Variants in FAAH2 observed in about 807,000 individuals in gnomAD.
FAAH2 encodes fatty acid amide hydrolase 2, also known as fatty-acid amide hydrolase 2.
A neutral mutation model predicts 36.9 loss-of-function variants in FAAH2; 60 were observed. The observed-to-expected ratio is 1.63, with a 90% CI of 1.32 to 2.02. The LOEUF is 2.02. Among genes scored for constraint, FAAH2 ranks in the 30% most tolerant of loss-of-function variants. The probability of loss-of-function intolerance (pLI) is 0.00; values close to 1 mark genes in which losing one functional copy is unlikely to be tolerated. For synonymous variants in FAAH2, 214 were observed against 143.8 expected, an observed-to-expected ratio of 1.49 and a Z score of -3.49; for missense variants, 689 against 397.5, an observed-to-expected ratio of 1.73 and a Z score of -6.23.
At chrX:57,405,483 G>T (rs1359566505) in intron 7 of FAAH2, among the ~76,000 whole-genome samples, 1 of 109,019 alleles carries the variant, frequency 9.2e-6, no homozygotes, top group Non-Finnish European at 1.9e-5. Context: ...AGCGGCAATG[G>T]GCACCTCGCT....
the FAAH2 span, among the ~76,000 whole-genome samples, chrX:57,219,067 A>C: frequency 8.9e-6 from 1 of 111,826 alleles, no homozygotes; most frequent in Non-Finnish European, 1.9e-5. Flanking sequence ...AGGCAGAAAA[A>C]TAGCCAGTCA....
chrX:57,386,827 G>C (rs2055036254), intron 7 of FAAH2, among the ~76,000 whole-genome samples: 2 of 112,439 alleles, frequency 1.8e-5, no homozygotes, highest in Non-Finnish European at 3.8e-5. Flanking sequence ...AGAAGTGACA[G>C]TGTTGCAGAC....
chrX:57,339,713 C>G (rs1380974785), intron 4 of FAAH2, among the ~76,000 whole-genome samples: 1 of 112,173 alleles, frequency 8.9e-6, no homozygotes, highest in Admixed American at 9.4e-5. Context: ...CATCTCACAC[C>G]AGTCAGAATG....
chrX:57,360,711 T>C (rs1423023989), intron 5 of FAAH2, among the ~76,000 whole-genome samples: 7 of 111,136 alleles, frequency 6.3e-5, no homozygotes, highest in Non-Finnish European at 1.1e-4. Context: ...GCAGAATGTG[T>C]AGGTTTGTTA....
At chrX:57,397,904 C>A (rs1394666634) in intron 7 of FAAH2, among the ~76,000 whole-genome samples, 1 of 103,342 alleles carries the variant, frequency 9.7e-6, no homozygotes, top group Admixed American at 1.1e-4. Context: ...CTTCCTGTGT[C>A]CATGTGTTCT....
At chrX:57,478,181 C>T (rs749231590) in intron 10 of FAAH2, among the ~76,000 whole-genome samples, 3 of 111,923 alleles carry the variant, frequency 2.7e-5, no homozygotes, top group Non-Finnish European at 5.6e-5. Context: ...GATTGCCATT[C>T]GAACTGGTAT....
the FAAH2 span, among the ~76,000 whole-genome samples, chrX:57,259,232 C>T: frequency 2.2e-4 from 24 of 111,475 alleles, no homozygotes; most frequent in South Asian, 7.5e-4. Flanking sequence ...CCATATAATC[C>T]AGTGATTTTA....
intron 2 of FAAH2, among the ~76,000 whole-genome samples, chrX:57,302,588 G>C (rs2052405849): frequency 9.0e-6 from 1 of 110,895 alleles, no homozygotes; most frequent in African/African-American, 3.3e-5. Flanking sequence ...AGACTGGAGA[G>C]GTGTCAGAAA....
chrX:57,386,813 T>C (rs2055036192), intron 7 of FAAH2, among the ~76,000 whole-genome samples: 1 of 112,421 alleles, frequency 8.9e-6, no homozygotes, highest in Non-Finnish European at 1.9e-5. Context: ...TTCTCTGCAG[T>C]GTCAGAAGTG....
At chrX:57,266,642 C>T in the FAAH2 span, among the ~76,000 whole-genome samples, 2 of 112,558 alleles carry the variant, frequency 1.8e-5, no homozygotes, top group Non-Finnish European at 3.8e-5. Context: ...TGTCTATCCC[C>T]ATGGGTTCCA....
chrX:57,251,681 G>A, the FAAH2 span, among the ~76,000 whole-genome samples: 1 of 111,932 alleles, frequency 8.9e-6, no homozygotes, highest in African/African-American at 3.2e-5. Flanking sequence ...CTATACACTA[G>A]ATAGAAACTA....
the FAAH2 span, among the ~76,000 whole-genome samples, chrX:57,246,058 A>T: frequency 8.0e-5 from 9 of 112,058 alleles, no homozygotes; most frequent in African/African-American, 2.9e-4. Flanking sequence ...TACTGATCCC[A>T]CAGAAATAAA....
At chrX:57,378,129 T>C (rs2054735174) in intron 5 of FAAH2, among the ~76,000 whole-genome samples, 1 of 112,053 alleles carries the variant, frequency 8.9e-6, no homozygotes, top group Non-Finnish European at 1.9e-5. Flanking sequence ...GTGAAATGTA[T>C]TATAAGCAGA....
intron 7 of FAAH2, among the ~76,000 whole-genome samples, chrX:57,424,557 GC>G (rs1307406765): frequency 1.8e-5 from 2 of 111,355 alleles, no homozygotes; most frequent in Non-Finnish European, 3.8e-5. Context: ...GAGAACATAA[GC>G]CTATTCACAT....
At chrX:57,157,551 C>T in the FAAH2 span, among the ~76,000 whole-genome samples, 1 of 111,437 alleles carries the variant, frequency 9.0e-6, no homozygotes. Context: ...TCTTTCTCTC[C>T]CAACACACAG....
chrX:57,137,143 A>C, the FAAH2 span: 6 of 745,684 alleles, frequency 8.0e-6, no homozygotes, highest in Non-Finnish European at 9.4e-6. Context: ...ACTCCACCCC[A>C]TGTCTCCTGC....
At chrX:57,301,455 A>C (rs1453213119) in intron 2 of FAAH2, among the ~76,000 whole-genome samples, 1 of 55,858 alleles carries the variant, frequency 1.8e-5, no homozygotes. Context: ...GACACCGGGG[A>C]CTGTTGTGGG....
At chrX:57,322,292 C>T (rs1424064532) in intron 3 of FAAH2, among the ~76,000 whole-genome samples, 1 of 112,036 alleles carries the variant, frequency 8.9e-6, no homozygotes, top group African/African-American at 3.2e-5. Context: ...ACCCGGCCTG[C>T]ATTTTTTGTT....
intron 7 of FAAH2, among the ~76,000 whole-genome samples, chrX:57,391,334 G>T (rs1164316106): frequency 5.4e-5 from 6 of 111,129 alleles, no homozygotes; most frequent in Non-Finnish European, 1.1e-4. Context: ...TGTTCCATTT[G>T]TGTACTTTTG....
Sources: allele counts gnomAD v4.1 joint callset (sites outside exome capture counted in the v4.1 genomes callset), GRCh38; gene constraint gnomAD v4.1.1; transcripts MANE v1.5; gene names NCBI Gene and HGNC (gene_info 2026-07-23, HGNC 2026-07-21).